KAT6B: variants seen among roughly 807,000 people sequenced by gnomAD.
KAT6B encodes lysine acetyltransferase 6B.
In KAT6B, 10 loss-of-function variants were observed where a neutral mutation model predicts 187.5. That is an observed-to-expected ratio of 0.05 (90% CI 0.03 to 0.09). The LOEUF (loss-of-function observed/expected upper bound fraction) is 0.09. Among genes scored for constraint, KAT6B ranks in the 10% least tolerant of loss-of-function variants. The probability of loss-of-function intolerance (pLI) is 1.00; values close to 1 mark genes in which losing one functional copy is unlikely to be tolerated. For synonymous variants in KAT6B, 861 were observed against 926.8 expected (o/e 0.93, Z 1.29); for missense variants, 1,952 against 2,558.9 (o/e 0.76, Z 5.12).
intron 3 of KAT6B, among the ~76,000 whole-genome samples, chr10:74,938,064 G>A (rs982494255): frequency 6.6e-6 from 1 of 152,152 alleles, no homozygotes; most frequent in African/African-American, 2.4e-5. Context: ...TCCCTCCTCA[G>A]CCTCCCAGAG....
intron 3 of KAT6B, among the ~76,000 whole-genome samples, chr10:74,856,005 C>CTATAT: frequency 6.6e-6 from 1 of 152,230 alleles, no homozygotes. Flanking sequence ...ATATACTATA[C>CTATAT]TATTACGCAA....
In KAT6B at chr10:75,028,760, G is replaced by A; in HGVS notation, c.3936G>A (p.Lys1312=). The change falls in exon 18 of 18, where the codon AAG becomes AAA. Residue 1312 remains lysine, a synonymous_variant. Transcript: ENST00000287239. The part of the protein sequence containing the change: ...PSPIRIEEEV[K]ETGEALLPQE... Reference sequence around the variant, plus strand: ...CCATCAGGATTGAGGAGGAGGTCAAGGAAACTGGGGAAGCCCTGTTGCCTC... The same window carrying A: ...CCATCAGGATTGAGGAGGAGGTCAAAGAAACTGGGGAAGCCCTGTTGCCTC... 2 of 1,614,148 alleles carry A rather than the reference G, an allele frequency of 1.2e-6. No homozygotes were observed. Among genetic ancestry groups the A allele is most frequent in the Non-Finnish European group, 1.7e-6 (2 of 1,180,040 alleles).
Position 74,952,214 on chromosome 10 carries a change from G to A in KAT6B, c.622-7756G>A, listed in dbSNP as rs116083154. The stretch of plus-strand genomic sequence containing the variant: ...TATGAAAAGTTAAAAAATTAGCTGG[G>A]CGTGGTAGTGCGCCAGTATAGTCCC... On this transcript the variant is annotated intron_variant, in intron 3 of 17. Transcript: ENST00000287239. Among the ~76,000 whole-genome samples, 649 of 152,176 alleles carry A rather than the reference G, an allele frequency of 4.3e-3. 3 individuals are homozygous for A. The highest frequency in any genetic ancestry group is 0.013 in the African/African-American group (540 of 41,496).
intron 3 of KAT6B, among the ~76,000 whole-genome samples, chr10:74,862,038 A>G (rs1166827491): frequency 6.6e-6 from 1 of 152,172 alleles, no homozygotes; most frequent in Non-Finnish European, 1.5e-5. Context: ...GTGCTGATGT[A>G]AGGTTATAGT....
intron 3 of KAT6B, among the ~76,000 whole-genome samples, chr10:74,859,134 G>A (rs1163770749): frequency 1.3e-5 from 2 of 152,114 alleles, no homozygotes; most frequent in Non-Finnish European, 2.9e-5. Flanking sequence ...AGGCTGGAGT[G>A]CAGTGGCACG....
intron 3 of KAT6B, among the ~76,000 whole-genome samples, chr10:74,942,244 A>G (rs1037687439): frequency 6.6e-6 from 1 of 152,174 alleles, no homozygotes; most frequent in Non-Finnish European, 1.5e-5. Flanking sequence ...TTAATTAGCA[A>G]ATTAATCCAG....
rs544887456 is a variant in KAT6B, at chr10:75,030,977, C to T, written c.6153C>T (p.Pro2051=). ...ACGGTAACATGATGTACACGGCCCC[C>T]GGACATCACGGCTACATGAACACAG... The part of the protein sequence containing the change: ...PPHGNMMYTA[P]GHHGYMNTGM... Residue 2051 remains proline (P), a synonymous_variant, in exon 18 of 18, where the codon CCC becomes CCT. Coordinates refer to ENST00000287239, the MANE Select transcript of KAT6B (RefSeq NM_012330.4). This position sits in a 1 kb window ranked among gnomAD's most constrained non-coding sequence, Gnocchi z 4.8. 8.6e-5 allele frequency: 139 copies of T among 1,614,138 alleles called. 4 individuals carry two copies. In the South Asian group the frequency reaches 1.3e-3, roughly 15 times the overall value.
intron 3 of KAT6B, among the ~76,000 whole-genome samples, chr10:74,870,997 C>T (rs1843901940): frequency 6.6e-6 from 1 of 151,402 alleles, no homozygotes; most frequent in Non-Finnish European, 1.5e-5. Context: ...CCTGCCTCAG[C>T]CTCCCAAGTA....
At chr10:75,006,411 A>G (rs1415432647) in intron 13 of KAT6B, among the ~76,000 whole-genome samples, 1 of 152,238 alleles carries the variant, frequency 6.6e-6, no homozygotes, top group Non-Finnish European at 1.5e-5. Flanking sequence ...CAGTGAAGTA[A>G]TCAAGTAGTA....
intron 4 of KAT6B, among the ~76,000 whole-genome samples, chr10:74,967,572 A>G (rs1841567531): frequency 1.3e-5 from 2 of 152,206 alleles, no homozygotes; most frequent in South Asian, 4.1e-4. Flanking sequence ...GAAATTTAGA[A>G]CTGTAAGGGA....
chr10:74,863,505 C>G (rs891323029), intron 3 of KAT6B, among the ~76,000 whole-genome samples: 1 of 152,168 alleles, frequency 6.6e-6, no homozygotes, highest in Non-Finnish European at 1.5e-5. Context: ...ACTATGAATT[C>G]TTTTTCTAAA....
intron 3 of KAT6B, among the ~76,000 whole-genome samples, chr10:74,954,731 A>G (rs1410794838): frequency 6.6e-6 from 1 of 152,212 alleles, no homozygotes; most frequent in Admixed American, 6.5e-5. Context: ...TGGTTCACAC[A>G]TTGTGATTGG....
intron 3 of KAT6B, among the ~76,000 whole-genome samples, chr10:74,895,942 G>T (rs982055875): frequency 9.2e-5 from 14 of 151,698 alleles, no homozygotes; most frequent in Non-Finnish European, 1.3e-4. Context: ...CTGCTTTTTT[G>T]TTGTTGTTGT....
chr10:74,926,122 T>C (rs1848487360), intron 3 of KAT6B, among the ~76,000 whole-genome samples: 1 of 152,214 alleles, frequency 6.6e-6, no homozygotes, highest in South Asian at 2.1e-4. Flanking sequence ...TATTTTAGAC[T>C]AGTCAAAAAT....
intron 3 of KAT6B, among the ~76,000 whole-genome samples, chr10:74,884,537 A>T (rs1380314068): frequency 6.6e-6 from 1 of 151,980 alleles, no homozygotes; most frequent in Non-Finnish European, 1.5e-5. Flanking sequence ...TGAAGATCTG[A>T]TACTAGCTGT....
chr10:74,909,766 C>T (rs1847057419), intron 3 of KAT6B, among the ~76,000 whole-genome samples: 2 of 152,116 alleles, frequency 1.3e-5, no homozygotes. Flanking sequence ...ATAGAGTACT[C>T]AGCACTCATT....
intron 16 of KAT6B, 86 bp from the exon 17 acceptor site, chr10:75,024,872 C>T (rs574135363): frequency 4.9e-5 from 60 of 1,230,632 alleles, no homozygotes; most frequent in Middle Eastern, 1.9e-4. Flanking sequence ...TTCTCAGACA[C>T]GCGTTCAGTA....
At chr10:74,990,196 CAAAAAAAAAA>C (rs56300641) in intron 13 of KAT6B, among the ~76,000 whole-genome samples, 15 of 39,404 alleles carry the variant, frequency 3.8e-4, no homozygotes, top group South Asian at 1.5e-3. Flanking sequence ...GACTCTGTCT[CAAAAAAAAAA>C]AAAAAAAAAA....
At chr10:74,880,866 T>C (rs1488977511) in intron 3 of KAT6B, among the ~76,000 whole-genome samples, 1 of 152,194 alleles carries the variant, frequency 6.6e-6, no homozygotes, top group East Asian at 1.9e-4. Context: ...TCCTCCTGCC[T>C]TGGCCTCCCA....
Sources: gnomAD v4.1 joint callset for allele counts (sites outside exome capture counted in the v4.1 genomes callset) on GRCh38, gnomAD v4.1.1 for gene constraint, Gnocchi (gnomAD v3.1) non-coding constraint, MANE v1.5 for transcripts, NCBI Gene and HGNC (gene_info 2026-07-23, HGNC 2026-07-21) for gene names.